The following CFAP46 variants were observed in gnomAD, a reference collection of about 807,000 sequenced individuals.
CFAP46 encodes cilia and flagella associated protein 46.
In CFAP46, 245 loss-of-function variants were observed where a neutral mutation model predicts 325.7. The ratio of observed to expected loss-of-function variants is 0.75; its 90% CI spans 0.68 to 0.84. The LOEUF (loss-of-function observed/expected upper bound fraction) is 0.84, where lower values mean the gene tolerates loss of function less well. Among genes scored for constraint, CFAP46 ranks in the 40% least tolerant of loss-of-function variants. CFAP46 has a pLI of 0.00. For synonymous variants in CFAP46, 1,523 were observed against 1,495.9 expected (o/e 1.02, Z -0.42); for missense variants, 3,346 against 3,543.0 (o/e 0.94, Z 1.41).
intron 22 of CFAP46, 66 bp downstream of exon 22, chr10:132,908,402 T>C: frequency 3.3e-6 from 5 of 1,529,672 alleles, no homozygotes; most frequent in Non-Finnish European, 4.4e-6. Flanking sequence ...TGATCTGTGA[T>C]TGAGGCCCAG....
At chr10:132,821,697 T>C (rs1200111702) in intron 50 of CFAP46, among the ~76,000 whole-genome samples, 1 of 124,472 alleles carries the variant, frequency 8.0e-6, no homozygotes, top group Non-Finnish European at 1.6e-5. Context: ...TGCTGTGTGC[T>C]GATGTGTGCT....
intron 44 of CFAP46, among the ~76,000 whole-genome samples, chr10:132,839,823 T>G (rs1848321463): frequency 6.6e-6 from 1 of 152,246 alleles, no homozygotes; most frequent in Non-Finnish European, 1.5e-5. Context: ...TTTTGAATAT[T>G]GAACCACATG....
chr10:132,827,337 A>C lies in CFAP46; in HGVS notation c.7117+6021T>G, dbSNP rs1456142467. On this transcript the variant is annotated intron_variant, in intron 50 of 57. Coordinates refer to ENST00000368586, the MANE Select transcript of CFAP46 (RefSeq NM_001200049.3). The surrounding 1 kb of genome is among the most constrained non-coding windows in gnomAD (Gnocchi z 5.7). ...AGAACAGCTATAAGCTGCCACGCCG[A>C]CTGCTGTGGGAGCTCCTGGGCCTGG... Among the ~76,000 whole-genome samples, 2 of 152,038 alleles carry C rather than the reference A, an allele frequency of 1.3e-5. No individual in the cohort carries two copies. The highest frequency in any genetic ancestry group is 2.9e-5 in the Non-Finnish European group (2 of 67,994).
At chr10:132,940,133 G>A (rs1347189792) in intron 4 of CFAP46, among the ~76,000 whole-genome samples, 1 of 152,180 alleles carries the variant, frequency 6.6e-6, no homozygotes, top group African/African-American at 2.4e-5. Context: ...CATGCAGAGA[G>A]GATCTGTGGG....
At chr10:132,891,232 A>G (rs990141927) in intron 25 of CFAP46, among the ~76,000 whole-genome samples, 3 of 152,200 alleles carry the variant, frequency 2.0e-5, no homozygotes, top group Non-Finnish European at 2.9e-5. Context: ...AACCAAAAAT[A>G]ACATTCTAAG....
chr10:132,854,883 C>T (rs1206561732), intron 39 of CFAP46, among the ~76,000 whole-genome samples: 1 of 151,592 alleles, frequency 6.6e-6, no homozygotes, highest in East Asian at 1.9e-4. Flanking sequence ...GATTGTGGCA[C>T]CAGTACATAT....
At chr10:132,837,368 G>A (rs1206634436) in intron 44 of CFAP46, among the ~76,000 whole-genome samples, 3 of 151,464 alleles carry the variant, frequency 2.0e-5, no homozygotes, top group Non-Finnish European at 2.9e-5. Flanking sequence ...CACGCAGACA[G>A]GCACGGACAC....
At chr10:132,833,282 A>C in intron 50 of CFAP46, 76 bp downstream of exon 50, 1 of 1,399,034 alleles carries the variant, frequency 7.1e-7, no homozygotes. Flanking sequence ...AGGAGCTAAC[A>C]TTGTTTCATC....
intron 44 of CFAP46, 138 bp downstream of exon 44, chr10:132,845,919 G>T: frequency 1.0e-6 from 1 of 960,314 alleles, no homozygotes; most frequent in Non-Finnish European, 1.5e-6. Flanking sequence ...CACATGGCTG[G>T]GGGCACGGGG....
chr10:132,941,143 A>C, intron 3 of CFAP46, 83 bp from the exon 4 acceptor site: 1 of 1,420,614 alleles, frequency 7.0e-7, no homozygotes, highest in Non-Finnish European at 9.9e-7. Flanking sequence ...CGGCTCCCTC[A>C]CGGTTGGCCT....
intron 50 of CFAP46, among the ~76,000 whole-genome samples, chr10:132,821,555 A>G (rs1200549092): frequency 1.2e-5 from 1 of 85,642 alleles, no homozygotes; most frequent in African/African-American, 5.1e-5. Context: ...CTGTGTGCTG[A>G]CGTGTGCTGT....
At chr10:132,906,176 C>T (rs1312181352) in intron 22 of CFAP46, among the ~76,000 whole-genome samples, 5 of 152,260 alleles carry the variant, frequency 3.3e-5, no homozygotes, top group Admixed American at 2.6e-4. Context: ...CCCTCTAGCC[C>T]CCCTTGTGAA....
At chr10:132,868,887 C>T (rs1319320871) in intron 33 of CFAP46, among the ~76,000 whole-genome samples, 1 of 152,244 alleles carries the variant, frequency 6.6e-6, no homozygotes, top group Non-Finnish European at 1.5e-5. Context: ...TGTTAGTAAA[C>T]TTCAACAGCT....
intron 24 of CFAP46, among the ~76,000 whole-genome samples, chr10:132,896,243 C>T (rs1054493630): frequency 3.4e-4 from 51 of 149,618 alleles, no homozygotes; most frequent in African/African-American, 1.2e-3. Context: ...GAGAAGGCAG[C>T]CAGGCTGTGT....
At chr10:132,820,550 GTGTGTGCTGA>G (rs1455686094) in intron 50 of CFAP46, among the ~76,000 whole-genome samples, 1 of 143,582 alleles carries the variant, frequency 7.0e-6, no homozygotes, top group Admixed American at 6.8e-5. Flanking sequence ...GATGTGTGCT[GTGTGTGCTGA>G]TGTGTGCTGT....
intron 44 of CFAP46, among the ~76,000 whole-genome samples, chr10:132,839,047 A>T (rs776238193): frequency 5.3e-5 from 8 of 152,232 alleles, no homozygotes; most frequent in Non-Finnish European, 1.0e-4. Context: ...GCCATCTTCA[A>T]TCAGTGTCTC....
intron 32 of CFAP46, among the ~76,000 whole-genome samples, chr10:132,871,585 TAGA>T (rs1848896480): frequency 1.3e-5 from 2 of 152,188 alleles, no homozygotes; most frequent in African/African-American, 4.8e-5. Flanking sequence ...AAGATTTCAG[TAGA>T]AGGAGCTACA....
chr10:132,845,395 G>T (rs992001859), intron 44 of CFAP46, among the ~76,000 whole-genome samples: 1 of 152,176 alleles, frequency 6.6e-6, no homozygotes, highest in Admixed American at 6.5e-5. Flanking sequence ...GCCAGTGGCG[G>T]ATGCTGCCCC....
chr10:132,865,878 C>T, intron 35 of CFAP46, 147 bp downstream of exon 35: 1 of 730,576 alleles, frequency 1.4e-6, no homozygotes, highest in Non-Finnish European at 1.9e-6. Flanking sequence ...GACTGACTTC[C>T]CGCAGAGAGC....
Sources: gnomAD v4.1 joint callset for allele counts (sites outside exome capture counted in the v4.1 genomes callset) on GRCh38, gnomAD v4.1.1 for gene constraint, Gnocchi (gnomAD v3.1) non-coding constraint, MANE v1.5 for transcripts, NCBI Gene and HGNC (gene_info 2026-07-23, HGNC 2026-07-21) for gene names.